The following RBFOX1 variants were observed in gnomAD, a reference collection of about 807,000 sequenced individuals.
RBFOX1 encodes the protein RNA binding protein fox-1 homolog 1.
In RBFOX1, 8 loss-of-function variants were observed where a neutral mutation model predicts 57.7. The ratio of observed to expected loss-of-function variants is 0.14; its 90% CI spans 0.08 to 0.25. The LOEUF (loss-of-function observed/expected upper bound fraction) is 0.25. Among genes scored for constraint, RBFOX1 ranks in the 10% least tolerant of loss-of-function variants. The pLI is 1.00. For synonymous variants in RBFOX1, 326 were observed against 222.4 expected, an observed-to-expected ratio of 1.47 and a Z score of -4.15; for missense variants, 611 against 548.5, an observed-to-expected ratio of 1.11 and a Z score of -1.14.
intron 1 of RBFOX1, among the ~76,000 whole-genome samples, chr16:6,088,477 C>T (rs2096121673): frequency 6.6e-6 from 1 of 152,110 alleles, no homozygotes; most frequent in East Asian, 1.9e-4. Flanking sequence ...ATCCACCATT[C>T]AACCATCCAT....
chr16:7,554,934 G>A (rs1477049233), intron 5 of RBFOX1, among the ~76,000 whole-genome samples: 1 of 152,160 alleles, frequency 6.6e-6, no homozygotes, highest in African/African-American at 2.4e-5. Context: ...AGCATTCGTA[G>A]TAATAAAAGC....
intron 3 of RBFOX1, among the ~76,000 whole-genome samples, chr16:5,807,682 A>T (rs1236967572): frequency 1.3e-5 from 2 of 152,160 alleles, no homozygotes; most frequent in African/African-American, 4.8e-5. Flanking sequence ...CTTCTGAGAG[A>T]GAGGGAGTGT....
At chr16:7,149,015 G>A (rs1017008412) in intron 4 of RBFOX1, among the ~76,000 whole-genome samples, 4 of 152,178 alleles carry the variant, frequency 2.6e-5, no homozygotes, top group Admixed American at 6.5e-5. Flanking sequence ...TAGAGAATGC[G>A]TCAAGGGAAG....
At chr16:5,650,803 C>T (rs1475115844) in intron 3 of RBFOX1, among the ~76,000 whole-genome samples, 1 of 152,100 alleles carries the variant, frequency 6.6e-6, no homozygotes. Flanking sequence ...CAGACGGACA[C>T]AGTCTTTGTC....
Position 7,567,391 on chromosome 16 carries a change from C to CTATA in RBFOX1, c.271-12376_271-12373dup, listed in dbSNP as rs534407480. On this transcript the variant is annotated intron_variant, in intron 5 of 15. Transcript: ENST00000550418. ...TATATATATATCCCTATGTATGGCC[C>CTATA]TATATATATATATCCCTATATATAT... Among the ~76,000 whole-genome samples, 111 of 131,208 alleles carry CTATA rather than the reference C, an allele frequency of 8.5e-4. 1 individual carries two copies. Among genetic ancestry groups the CTATA allele is most frequent in the African/African-American group, 3.2e-3 (107 of 33,342 alleles). The allele number at this position is 131,208 out of a possible 152,430, so 86.1% of individuals were successfully genotyped here. A position where few individuals can be genotyped will look rare whatever the true frequency, so the allele number is the denominator to read the frequency against.
intron 1 of RBFOX1, among the ~76,000 whole-genome samples, chr16:6,214,114 C>T (rs1179181770): frequency 6.6e-6 from 1 of 152,174 alleles, no homozygotes; most frequent in Non-Finnish European, 1.5e-5. Flanking sequence ...TGCCTTGTTC[C>T]TAGTTCCTCA....
chr16:7,305,012 G>C (rs890561222), intron 4 of RBFOX1, among the ~76,000 whole-genome samples: 2 of 150,636 alleles, frequency 1.3e-5, no homozygotes, highest in South Asian at 2.1e-4. Context: ...CGCAGCATTT[G>C]AATTTCTGGA....
Position 6,859,771 on chromosome 16 carries a change from A to C in RBFOX1, c.-15-192286A>C, listed in dbSNP as rs571790511. Reference sequence around the variant, plus strand: ...ATAGCAGACATGTTAATATGAAGTTACTGCTAAGGCTCCAAAAGGCATTGA... The same window carrying C: ...ATAGCAGACATGTTAATATGAAGTTCCTGCTAAGGCTCCAAAAGGCATTGA... On this transcript the variant is annotated intron_variant, in intron 3 of 15. Transcript: ENST00000550418. 5.9e-5 allele frequency among the ~76,000 whole-genome samples: 9 copies of C among 152,274 alleles called. No homozygotes were observed. The South Asian group carries it at 1.9e-3, about 32-fold the overall frequency.
At chr16:7,122,531 C>T (rs532459928) in intron 4 of RBFOX1, among the ~76,000 whole-genome samples, 1 of 152,246 alleles carries the variant, frequency 6.6e-6, no homozygotes, top group East Asian at 1.9e-4. Flanking sequence ...TACCATTAAA[C>T]ACCTAGTAGA....
chr16:6,115,822 G>C (rs2096491053), intron 1 of RBFOX1, among the ~76,000 whole-genome samples: 1 of 152,126 alleles, frequency 6.6e-6, no homozygotes, highest in Non-Finnish European at 1.5e-5. Context: ...CAGGGACTCA[G>C]GCCTCTGCTC....
At chr16:5,751,810 T>G (rs557086298) in intron 3 of RBFOX1, among the ~76,000 whole-genome samples, 1 of 152,374 alleles carries the variant, frequency 6.6e-6, no homozygotes, top group South Asian at 2.1e-4. Context: ...TAATGGTTTT[T>G]TATTCCTTAT....
intron 1 of RBFOX1, among the ~76,000 whole-genome samples, chr16:6,083,723 T>G (rs995640142): frequency 2.0e-5 from 3 of 152,030 alleles, no homozygotes; most frequent in Non-Finnish European, 2.9e-5. Context: ...GCGATCCTCC[T>G]ACCTTGGCCT....
At chr16:7,261,472 T>C (rs927748550) in intron 4 of RBFOX1, among the ~76,000 whole-genome samples, 3 of 152,162 alleles carry the variant, frequency 2.0e-5, no homozygotes, top group Admixed American at 6.5e-5. Flanking sequence ...AGTGAGTGTA[T>C]GAGTCCCTTG....
At chr16:6,201,260 A>G (rs1355935966) in intron 1 of RBFOX1, among the ~76,000 whole-genome samples, 2 of 152,154 alleles carry the variant, frequency 1.3e-5, no homozygotes, top group Non-Finnish European at 2.9e-5. Context: ...CAGTGCTGCA[A>G]TGAACATAGA....
intron 1 of RBFOX1, among the ~76,000 whole-genome samples, chr16:5,431,340 G>A (rs1328342864): frequency 6.6e-6 from 1 of 152,078 alleles, no homozygotes; most frequent in African/African-American, 2.4e-5. Flanking sequence ...AAAAGTTAGG[G>A]TCTGGGTTAC....
intron 1 of RBFOX1, among the ~76,000 whole-genome samples, chr16:5,370,105 T>A (rs2065819668): frequency 6.6e-6 from 1 of 152,132 alleles, no homozygotes; most frequent in East Asian, 1.9e-4. Flanking sequence ...GGGAACAAAC[T>A]GTACAGAAAT....
chr16:5,767,985 G>C (rs1021079355), intron 3 of RBFOX1, among the ~76,000 whole-genome samples: 7 of 152,052 alleles, frequency 4.6e-5, no homozygotes, highest in South Asian at 2.1e-4. Context: ...AAAATGTTAA[G>C]AAACAGTCGG....
chr16:6,551,596 G>A (rs1461305514), intron 2 of RBFOX1, among the ~76,000 whole-genome samples: 3 of 152,170 alleles, frequency 2.0e-5, no homozygotes, highest in African/African-American at 4.8e-5. Context: ...TTGATCTGAA[G>A]GGGAGGTGCT....
chr16:7,382,885 C>G (rs899812896), intron 4 of RBFOX1, among the ~76,000 whole-genome samples: 1 of 152,192 alleles, frequency 6.6e-6, no homozygotes, highest in Non-Finnish European at 1.5e-5. Flanking sequence ...GAGCTGTAAG[C>G]TGCCTACATC....
Sources: allele counts gnomAD v4.1 joint callset (sites outside exome capture counted in the v4.1 genomes callset), GRCh38; gene constraint gnomAD v4.1.1; transcripts MANE v1.5; gene names NCBI Gene and HGNC (gene_info 2026-07-23, HGNC 2026-07-21).